Variants in AGBL3 observed in about 807,000 individuals in gnomAD.
AGBL3 encodes the protein AGBL carboxypeptidase 3, also known as cytosolic carboxypeptidase 3.
A neutral mutation model predicts 94.5 loss-of-function variants in AGBL3; 68 were observed. The ratio of observed to expected loss-of-function variants is 0.72; its 90% confidence interval spans 0.59 to 0.88. AGBL3 has a LOEUF of 0.88. Ranked by LOEUF, AGBL3 falls within the 40% of genes least tolerant of loss-of-function variation. AGBL3 has a pLI of 0.00. For synonymous variants in AGBL3, 354 were observed against 370.7 expected (o/e 0.95, Z 0.52); for missense variants, 934 against 1,103.8 (o/e 0.85, Z 2.18).
intron 11 of AGBL3, among the ~76,000 whole-genome samples, chr7:135,057,427 A>C (rs1438902977): frequency 1.1e-4 from 2 of 18,588 alleles, no homozygotes; most frequent in Non-Finnish European, 2.6e-3. Flanking sequence ...CTGAAAAAAA[A>C]TAAAAAGATG....
chr7:135,112,192 T>TA (rs1291659408), intron 15 of AGBL3, among the ~76,000 whole-genome samples: 1 of 152,224 alleles, frequency 6.6e-6, no homozygotes, highest in Admixed American at 6.5e-5. Flanking sequence ...CTCCCTTGAA[T>TA]AACTGCATTA....
chr7:135,098,259 A>G (rs1187506856), intron 15 of AGBL3, among the ~76,000 whole-genome samples: 1 of 152,188 alleles, frequency 6.6e-6, no homozygotes, highest in Non-Finnish European at 1.5e-5. Flanking sequence ...TCCTACAGAT[A>G]CCAAAATCTG....
At chr7:135,017,588 C>T (rs1384518220) in intron 5 of AGBL3, among the ~76,000 whole-genome samples, 2 of 152,142 alleles carry the variant, frequency 1.3e-5, no homozygotes, top group Non-Finnish European at 2.9e-5. Flanking sequence ...ACAACTGCCC[C>T]ACTTTGCAAA....
intron 13 of AGBL3, 44 bp downstream of exon 13, chr7:135,076,512 T>C (rs1376092082): frequency 4.4e-6 from 6 of 1,367,730 alleles, no homozygotes; most frequent in Admixed American, 4.5e-5. Context: ...TTTAAATGAA[T>C]GAAAGAGAAT....
chr7:135,110,648 T>C (rs1825498573), intron 15 of AGBL3, among the ~76,000 whole-genome samples: 1 of 152,182 alleles, frequency 6.6e-6, no homozygotes, highest in South Asian at 2.1e-4. Context: ...CTTTTCTCTG[T>C]TCTCCATGGG....
chr7:135,134,701 A>G (rs1199990109), intron 16 of AGBL3, 140 bp from the exon 17 acceptor site: 3 of 793,522 alleles, frequency 3.8e-6, no homozygotes, highest in African/African-American at 1.7e-5. Flanking sequence ...AAGACTTCTA[A>G]ATGATGGTAA....
At chr7:135,110,979 T>C (rs1037287420) in intron 15 of AGBL3, among the ~76,000 whole-genome samples, 3 of 152,220 alleles carry the variant, frequency 2.0e-5, no homozygotes, top group African/African-American at 7.2e-5. Flanking sequence ...AATTTATATA[T>C]ACATATACTT....
At chr7:135,055,833 AT>A (rs1412718771) in intron 11 of AGBL3, among the ~76,000 whole-genome samples, 2 of 151,888 alleles carry the variant, frequency 1.3e-5, no homozygotes, top group South Asian at 2.1e-4. Context: ...GAAAACTAGT[AT>A]TTTTTTTCCT....
intron 11 of AGBL3, among the ~76,000 whole-genome samples, chr7:135,055,351 C>T (rs1818249148): frequency 6.6e-6 from 1 of 152,182 alleles, no homozygotes; most frequent in African/African-American, 2.4e-5. Flanking sequence ...CATCCTTATC[C>T]TGTCCTCAAA....
intron 4 of AGBL3, among the ~76,000 whole-genome samples, chr7:135,001,815 A>C (rs908591804): frequency 4.6e-5 from 7 of 152,196 alleles, no homozygotes; most frequent in African/African-American, 1.7e-4. Context: ...ACTTTACTGT[A>C]ATTTTAGCTA....
At chr7:135,075,829 C>T (rs1470341959) in intron 12 of AGBL3, among the ~76,000 whole-genome samples, 1 of 152,172 alleles carries the variant, frequency 6.6e-6, no homozygotes, top group African/African-American at 2.4e-5. Context: ...AACAGTTAAA[C>T]GATGTTGAAT....
chr7:135,118,391 C>T (rs1035225712), intron 16 of AGBL3, among the ~76,000 whole-genome samples: 2 of 152,186 alleles, frequency 1.3e-5, no homozygotes, highest in Admixed American at 6.5e-5. Flanking sequence ...ATGGAGGCTA[C>T]ATATGGAGAT....
chr7:135,061,463 C>A (rs1047910383), intron 12 of AGBL3, among the ~76,000 whole-genome samples: 2 of 152,172 alleles, frequency 1.3e-5, no homozygotes, highest in South Asian at 2.1e-4. Flanking sequence ...AAATGATTGC[C>A]CAGACCAATG....
In AGBL3 at chr7:135,134,975, CA is replaced by C; in HGVS notation, c.2478del (p.Leu827TrpfsTer21). 6.4e-7 allele frequency: 1 copy of C among 1,551,154 alleles called. No homozygotes were observed. The highest frequency in any genetic ancestry group is 8.7e-7 in the Non-Finnish European group (1 of 1,146,666). On this transcript the variant is annotated frameshift_variant, in exon 17 of 17. Coordinates refer to ENST00000436302, the MANE Select transcript of AGBL3 (RefSeq NM_178563.4). LOFTEE classifies it low-confidence loss of function (END_TRUNC). ...TGGGTCCAGTCTAAGCCCCACAGGT[CA>C]TTGGAAAGTTTATCACCTCTCAAAG... is the stretch of plus-strand genomic sequence containing the variant. The part of the protein sequence containing the change: ...SEWVQSKPHR[S>X]LESLSPLKGP...
intron 16 of AGBL3, among the ~76,000 whole-genome samples, chr7:135,131,380 A>G (rs1315624833): frequency 1.3e-5 from 2 of 152,150 alleles, no homozygotes; most frequent in Non-Finnish European, 2.9e-5. Flanking sequence ...ACCATAGCAC[A>G]CATATACCTA....
At chr7:135,119,269 AC>A (rs1826779143) in intron 16 of AGBL3, among the ~76,000 whole-genome samples, 1 of 151,810 alleles carries the variant, frequency 6.6e-6, no homozygotes, top group Non-Finnish European at 1.5e-5. Flanking sequence ...TTGCTCAGTT[AC>A]CCAGGCTGGA....
At position 135,054,473 on chromosome 7, in the gene AGBL3, T is replaced by C. The variant is rs553752860; in HGVS notation, c.1842-4696T>C. Among the ~76,000 whole-genome samples the C allele has an allele frequency of 1.4e-4, 21 of 152,310 alleles. 1 individual carries two copies. The highest frequency in any genetic ancestry group is 4.6e-4 in the African/African-American group (19 of 41,574). The stretch of plus-strand genomic sequence containing the variant: ...ATTTTCTGATTTGCAATGGAAAATA[T>C]TTGCTTATAGAGAATACAGTAGTAC... On this transcript the variant is annotated intron_variant, in intron 11 of 16. Coordinates refer to ENST00000436302, the MANE Select transcript of AGBL3 (RefSeq NM_178563.4).
At chr7:134,989,197 A>G in intron 2 of AGBL3, 53 bp from the exon 3 acceptor site, 1 of 1,355,198 alleles carries the variant, frequency 7.4e-7, no homozygotes, top group Non-Finnish European at 1.0e-6. Flanking sequence ...AAAATTCTGG[A>G]TTTGAAAACT....
At chr7:135,020,054 T>C (rs546361602) in intron 5 of AGBL3, among the ~76,000 whole-genome samples, 1 of 152,062 alleles carries the variant, frequency 6.6e-6, no homozygotes, top group African/African-American at 2.4e-5. Context: ...AAGCCAAAAT[T>C]GACAAATGGG....
Sources: allele counts gnomAD v4.1 joint callset (sites outside exome capture counted in the v4.1 genomes callset), GRCh38; gene constraint gnomAD v4.1.1; transcripts MANE v1.5; gene names NCBI Gene and HGNC (gene_info 2026-07-23, HGNC 2026-07-21).